The following SH3D19 variants were observed in gnomAD, a reference collection of about 807,000 sequenced individuals.
SH3D19 encodes SH3 domain containing 19.
Under a neutral mutation model 112.1 loss-of-function variants are expected in SH3D19, and 58 were observed. The observed-to-expected ratio is 0.52, with a 90% confidence interval of 0.42 to 0.64. The LOEUF (loss-of-function observed/expected upper bound fraction) is 0.64, where lower values mean the gene tolerates loss of function less well. SH3D19 is among the 30% of genes least tolerant of loss of function. The probability of loss-of-function intolerance (pLI) is 0.00; values close to 1 mark genes in which losing one functional copy is unlikely to be tolerated. For missense variants in SH3D19, 1,090 were observed against 1,263.4 expected (o/e 0.86, Z 2.08); for synonymous variants, 391 against 448.5 (o/e 0.87, Z 1.62).
At chr4:151,179,975 C>A (rs1760591138) in intron 3 of SH3D19, among the ~76,000 whole-genome samples, 1 of 152,150 alleles carries the variant, frequency 6.6e-6, no homozygotes, top group Non-Finnish European at 1.5e-5. Flanking sequence ...CTCAAGTTCC[C>A]AGGCTCAAGT....
At chr4:151,182,856 T>C (rs1224113136) in intron 3 of SH3D19, among the ~76,000 whole-genome samples, 1 of 152,252 alleles carries the variant, frequency 6.6e-6, no homozygotes, top group African/African-American at 2.4e-5. Flanking sequence ...GATTGCCATA[T>C]AGACAAGCAT....
chr4:151,319,426 T>TA (rs1486958495), intron 1 of SH3D19, among the ~76,000 whole-genome samples: 4 of 152,322 alleles, frequency 2.6e-5, no homozygotes, highest in Admixed American at 2.6e-4. Context: ...CCATGGAACT[T>TA]AAAATAACTT....
At chr4:151,241,381 GAATA>G (rs1431548056) in intron 1 of SH3D19, among the ~76,000 whole-genome samples, 1 of 151,912 alleles carries the variant, frequency 6.6e-6, no homozygotes, top group Non-Finnish European at 1.5e-5. Context: ...GAAATGTCTA[GAATA>G]AATAGGTCTA....
At chr4:151,256,465 A>G (rs1771930605) in intron 1 of SH3D19, among the ~76,000 whole-genome samples, 1 of 152,222 alleles carries the variant, frequency 6.6e-6, no homozygotes, top group Non-Finnish European at 1.5e-5. Flanking sequence ...TACTTCAATT[A>G]AATTAGTTTC....
chr4:151,276,858 A>G (rs1321122360), intron 1 of SH3D19, among the ~76,000 whole-genome samples: 1 of 152,094 alleles, frequency 6.6e-6, no homozygotes, highest in Non-Finnish European at 1.5e-5. Context: ...TCTCCTTGCT[A>G]GAGACAGGGT....
chr4:151,267,170 A>AT (rs56951680), intron 1 of SH3D19, among the ~76,000 whole-genome samples: 51,222 of 105,596 alleles, frequency 0.49, 10,421 homozygotes, highest in Non-Finnish European at 0.63. Flanking sequence ...AAAAAAAAAA[A>AT]AATAAATAAA....
At chr4:151,223,962 T>C (rs1041393508) in intron 2 of SH3D19, among the ~76,000 whole-genome samples, 2 of 152,228 alleles carry the variant, frequency 1.3e-5, no homozygotes, top group Non-Finnish European at 2.9e-5. Flanking sequence ...GTCACTCCAC[T>C]GCATACTTCA....
intron 1 of SH3D19, among the ~76,000 whole-genome samples, chr4:151,230,766 A>G (rs1476299823): frequency 1.3e-5 from 2 of 151,844 alleles, no homozygotes; most frequent in East Asian, 3.9e-4. Context: ...TTTTTAGTAG[A>G]GATGGGGTTT....
chr4:151,244,230 T>C (rs1451804077), intron 1 of SH3D19, among the ~76,000 whole-genome samples: 1 of 130,584 alleles, frequency 7.7e-6, no homozygotes, highest in Non-Finnish European at 1.8e-5. Context: ...CAACAACAAA[T>C]ACACAAAAAA....
intron 10 of SH3D19, among the ~76,000 whole-genome samples, chr4:151,148,819 C>G (rs766407193): frequency 2.0e-5 from 3 of 152,134 alleles, no homozygotes; most frequent in Non-Finnish European, 4.4e-5. Context: ...ATGGACGGAT[C>G]ATGAGGTCAT....
chr4:151,305,018 A>T (rs1312808758), intron 1 of SH3D19, among the ~76,000 whole-genome samples: 1 of 152,220 alleles, frequency 6.6e-6, no homozygotes, highest in Non-Finnish European at 1.5e-5. Flanking sequence ...CTGACCACTA[A>T]GCTAATGAAA....
chr4:151,255,405 G>A (rs560571183), intron 1 of SH3D19, among the ~76,000 whole-genome samples: 1 of 150,082 alleles, frequency 6.7e-6, no homozygotes, highest in South Asian at 2.1e-4. Flanking sequence ...CGGGGCAGAG[G>A]CACTCCCCAC....
chr4:151,138,968 C>T (rs1579716618), intron 13 of SH3D19, among the ~76,000 whole-genome samples: 1 of 151,908 alleles, frequency 6.6e-6, no homozygotes, highest in Non-Finnish European at 1.5e-5. Flanking sequence ...GCTGGGATTA[C>T]AGGCATGCGT....
chr4:151,312,779 T>TG (rs1337982620), intron 1 of SH3D19, among the ~76,000 whole-genome samples: 3 of 151,654 alleles, frequency 2.0e-5, no homozygotes, highest in Non-Finnish European at 4.4e-5. Context: ...TGGGCACCTG[T>TG]AGTCCCAGCT....
At chr4:151,138,624 G>A (rs1293808799) in intron 13 of SH3D19, among the ~76,000 whole-genome samples, 1 of 151,306 alleles carries the variant, frequency 6.6e-6, no homozygotes, top group Non-Finnish European at 1.5e-5. Context: ...GAGTCCAGGA[G>A]TTCAAGGTTA....
chr4:151,194,212 G>C (rs1358103661), intron 2 of SH3D19, among the ~76,000 whole-genome samples: 1 of 148,918 alleles, frequency 6.7e-6, no homozygotes, highest in Admixed American at 6.7e-5. Context: ...ATTTTTAGTA[G>C]AGATGGGGTC....
At chr4:151,307,405 A>T (rs1344471410) in intron 1 of SH3D19, among the ~76,000 whole-genome samples, 1 of 152,204 alleles carries the variant, frequency 6.6e-6, no homozygotes, top group South Asian at 2.1e-4. Context: ...CCAAATCTAC[A>T]TTTAAGCTTC....
At chr4:151,189,951 G>A (rs540469238) in intron 2 of SH3D19, among the ~76,000 whole-genome samples, 48 of 152,284 alleles carry the variant, frequency 3.2e-4, no homozygotes, top group African/African-American at 1.1e-3. Context: ...GAACTTCCTA[G>A]AGACTTGCTG....
At chr4:151,128,977 T>C (rs143060352) in intron 17 of SH3D19, among the ~76,000 whole-genome samples, 2 of 152,332 alleles carry the variant, frequency 1.3e-5, no homozygotes, top group Non-Finnish European at 2.9e-5. Context: ...TATATTGTTA[T>C]ATTAAAGAAT....
Sources: allele counts gnomAD v4.1 joint callset (sites outside exome capture counted in the v4.1 genomes callset), GRCh38; gene constraint gnomAD v4.1.1; transcripts MANE v1.5; gene names NCBI Gene and HGNC (gene_info 2026-07-23, HGNC 2026-07-21).